MAGEC2: variants seen among roughly 807,000 people sequenced by gnomAD.
The protein encoded by MAGEC2 is MAGE family member C2.
For missense variants in MAGEC2, 332 were observed against 282.3 expected, an observed-to-expected ratio of 1.18 and a Z score of -1.26; for synonymous variants, 127 against 115.1, an observed-to-expected ratio of 1.10 and a Z score of -0.66.
At position 142,203,650 on chromosome X, in the gene MAGEC2, C is replaced by G; in HGVS notation, c.338G>C (p.Ser113Thr). 1.7e-6 allele frequency: 2 copies of G among 1,210,432 alleles called. No individual in the cohort carries two copies. The highest frequency in any genetic ancestry group is 2.2e-6 in the Non-Finnish European group (2 of 895,191). ...CCCTTTCTGGCTGCTGGACTCCTCA[C>G]TGAATGAGCTCCATGAAAAAGAGGA... ...CCSSFSWSSF[S>T]EESSSQKGED... Residue 113 changes from serine (S) to threonine (T), a missense_variant, in exon 3 of 3, where the codon AGT (serine) becomes ACT (threonine). Ser to Thr is a moderately conservative substitution (Grantham distance 58). Transcript: ENST00000247452.
At position 142,202,778 on chromosome X, in the gene MAGEC2, C is replaced by G; in HGVS notation, c.*88G>C. 1.1e-6 allele frequency: 1 copy of G among 922,350 alleles called. No individual in the cohort carries two copies. The allele number at this position is 922,350 out of a possible 1,213,427, so 76.0% of individuals were successfully genotyped here. ...ATATGGGACAGAAATGCAAAGAACA[C>G]TACGTTCCTCGAGCCCCACCTGGCC... On this transcript the variant is annotated 3_prime_UTR_variant, in exon 3 of 3. Transcript: ENST00000247452.
chrX:142,204,840 G>A (rs988881988), intron 1 of MAGEC2, among the ~76,000 whole-genome samples: 7 of 111,433 alleles, frequency 6.3e-5, no homozygotes, highest in Admixed American at 1.9e-4. Flanking sequence ...GCAGCTCCCC[G>A]TGCTGACTTG....
At position 142,203,615 on chromosome X, in the gene MAGEC2, C is replaced by T. The variant is rs1195025229; in HGVS notation, c.373G>A (p.Gly125Ser). 8.3e-7 allele frequency: 1 copy of T among 1,211,109 alleles called. No homozygotes were observed. The highest frequency in any genetic ancestry group is 1.1e-6 in the Non-Finnish European group (1 of 895,430). ...CTGTCTGGCAGGCCCTGACAGGTGCCTGTATCCTCCCCTTTCTGGCTGCTG... is the reference window on the plus strand; with the variant it reads ...CTGTCTGGCAGGCCCTGACAGGTGCTTGTATCCTCCCCTTTCTGGCTGCTG... ...ESSSQKGEDT[G>S]TCQGLPDSES... is the part of the protein sequence containing the mutation. Residue 125 changes from glycine to serine, a missense_variant, in exon 3 of 3, where the codon GGC becomes AGC. By Grantham distance (56) the Gly-to-Ser change is moderately conservative (BLOSUM62 0). Coordinates refer to ENST00000247452, the MANE Select transcript of MAGEC2 (RefSeq NM_016249.4).
Position 142,202,799 on chromosome X carries a change from T to C in MAGEC2, c.*67A>G. The C allele has an allele frequency of 9.2e-7, 1 of 1,083,354 alleles. No homozygotes were observed. Among genetic ancestry groups the C allele is most frequent in the Non-Finnish European group, 1.2e-6 (1 of 807,654 alleles). The allele number at this position is 1,083,354 out of a possible 1,213,427, so 89.3% of individuals were successfully genotyped here. On this transcript the variant is annotated 3_prime_UTR_variant, in exon 3 of 3. Coordinates refer to ENST00000247452, the MANE Select transcript of MAGEC2 (RefSeq NM_016249.4). Reference sequence around the variant, plus strand: ...AACACTACGTTCCTCGAGCCCCACCTGGCCCTCCACTACCTAGAACCTAAA... The same window carrying C: ...AACACTACGTTCCTCGAGCCCCACCCGGCCCTCCACTACCTAGAACCTAAA...
Position 142,203,056 on chromosome X carries a change from T to C in MAGEC2, c.932A>G (p.Lys311Arg). The change falls in exon 3 of 3, where the codon AAG becomes AGG. Residue 311 changes from lysine (K) to arginine (R), a missense_variant. Coordinates refer to ENST00000247452, the MANE Select transcript of MAGEC2 (RefSeq NM_016249.4). The part of the protein sequence containing the change: ...WGPRAHSESI[K>R]KKVLEFLAKL... ...GGCTAAAAACTCTAGTACTTTCTTC[T>C]TGATGCTTTCTGAATGGGCTCTCGG... 8.3e-7 allele frequency: 1 copy of C among 1,211,708 alleles called. No homozygotes were observed. The highest frequency in any genetic ancestry group is 1.1e-6 in the Non-Finnish European group (1 of 895,405).
rs778444555 is a variant in MAGEC2, at chrX:142,204,000, A to G, written c.-13T>C. The G allele has an allele frequency of 1.8e-5, 21 of 1,185,671 alleles. No individual in the cohort carries two copies. The South Asian group carries it at 3.8e-4, about 22-fold the overall frequency. The stretch of plus-strand genomic sequence containing the variant: ...GAACGGGAGGCATGACGACTTCTTC[A>G]GGAGCAGCAGGTAAACGTATCAACA... On this transcript the variant is annotated 5_prime_UTR_variant, in exon 3 of 3. Transcript: ENST00000247452.
intron 1 of MAGEC2, among the ~76,000 whole-genome samples, 170 bp downstream of exon 1, chrX:142,204,933 A>C (rs1004531938): frequency 1.2e-4 from 13 of 111,253 alleles, no homozygotes; most frequent in Admixed American, 3.8e-4. Context: ...GCCTGAGCTG[A>C]CTGGGGAGCT....
rs1351474118 is a variant in MAGEC2, at chrX:142,203,486, G to T, written c.502C>A (p.Leu168Met). The T allele has an allele frequency of 1.7e-6, 2 of 1,209,698 alleles. No individual in the cohort carries two copies. Among genetic ancestry groups the T allele is most frequent in the Admixed American group, 2.2e-5 (1 of 45,762 alleles). The change falls in exon 3 of 3, where the codon CTG (leucine) becomes ATG (methionine). Residue 168 changes from leucine (L) to methionine (M), a missense_variant. Coordinates refer to ENST00000247452, the MANE Select transcript of MAGEC2 (RefSeq NM_016249.4). ...AEEPVTEAEM[L>M]MIVIKYKDYF... The stretch of plus-strand genomic sequence containing the variant: ...TCTTTGTACTTGATGACAATCATCA[G>T]CATCTCTGCCTCTGTTACAGGCTCC...
Position 142,203,134 on chromosome X carries a change from T to C in MAGEC2, c.854A>G (p.Glu285Gly). The change falls in exon 3 of 3, where the codon GAG becomes GGG. Residue 285 changes from glutamate to glycine, a missense_variant. Transcript: ENST00000247452. Reference protein sequence around the residue: ...TKVWVQGHYLEYREVPHSSPP... With the variant: ...TKVWVQGHYLGYREVPHSSPP... The stretch of plus-strand genomic sequence containing the variant: ...AGAACTGTGGGGCACCTCCCGATAC[T>C]CCAGGTAATGTCCCTGCACCCAAAC... The C allele has an allele frequency of 3.3e-6, 4 of 1,211,497 alleles. No individual in the cohort carries two copies. The highest frequency in any genetic ancestry group is 4.5e-6 in the Non-Finnish European group (4 of 895,424).
In MAGEC2 at chrX:142,202,967, C is replaced by T; in HGVS notation, c.1021G>A (p.Glu341Lys). 1 of 1,211,823 alleles carries T rather than the reference C, an allele frequency of 8.3e-7. No homozygotes were observed. Among genetic ancestry groups the T allele is most frequent in the Non-Finnish European group, 1.1e-6 (1 of 895,494 alleles). Residue 341 changes from glutamate (E) to lysine (K), a missense_variant, in exon 3 of 3, where the codon GAA (glutamate) becomes AAA (lysine). By Grantham distance (56) the Glu-to-Lys change is moderately conservative (BLOSUM62 1). Transcript: ENST00000247452. ...TCAATTGTGGCCTGGACTCTCTCTT[C>T]CACATCTTTCAAAGCATCCTTGTAC... The part of the protein sequence containing the change: ...SWYKDALKDV[E>K]ERVQATIDTA...
rs964826245 is a variant in MAGEC2, at chrX:142,203,418, C to T, written c.570G>A (p.Glu190=). The change falls in exon 3 of 3, where the codon GAG becomes GAA. Residue 190 remains glutamate, a synonymous_variant. Coordinates refer to ENST00000247452, the MANE Select transcript of MAGEC2 (RefSeq NM_016249.4). The part of the protein sequence containing the change: ...VILKRAREFM[E]LLFGLALIEV... ...CTATCAGGGCAAGGCCAAAAAGAAG[C>T]TCCATGAACTCACGGGCTCTCTTGA... 8.3e-7 allele frequency: 1 copy of T among 1,209,712 alleles called. No homozygotes were observed. The highest frequency in any genetic ancestry group is 1.8e-5 in the African/African-American group (1 of 57,018).
At chrX:142,204,736 C>A (rs1029386367) in intron 1 of MAGEC2, among the ~76,000 whole-genome samples, 1 of 111,663 alleles carries the variant, frequency 9.0e-6, no homozygotes, top group African/African-American at 3.3e-5. Flanking sequence ...ACCATGGGGG[C>A]AGTCGGGGTA....
rs770018745 is a variant in MAGEC2, at chrX:142,203,946, G to C, written c.42C>G (p.Asn14Lys). ...VPGVPFRNVD[N>K]DSPTSVELED... The stretch of plus-strand genomic sequence containing the variant: ...CTAACTCAACTGAGGTCGGGGAGTC[G>C]TTGTCAACGTTGCGGAATGGAACGC... Residue 14 changes from asparagine to lysine, a missense_variant, in exon 3 of 3, where the codon AAC becomes AAG. Transcript: ENST00000247452. 2 of 1,175,944 alleles carry C rather than the reference G, an allele frequency of 1.7e-6. No homozygotes were observed. Among genetic ancestry groups the C allele is most frequent in the Admixed American group, 4.9e-5 (2 of 40,952 alleles).
chrX:142,203,216 C>A lies in MAGEC2; in HGVS notation c.772G>T (p.Val258Leu). Residue 258 changes from valine (V) to leucine (L), a missense_variant, in exon 3 of 3, where the codon GTA becomes TTA. By Grantham distance (32) the Val-to-Leu change is conservative. Transcript: ENST00000247452. The part of the protein sequence containing the change: ...VIWEVLNAVG[V>L]YAGREHFVYG... Reference sequence around the variant, plus strand: ...ACGAAGTGCTCCCTCCCAGCATATACCCCTACTGCATTCAGCACTTCCCAG... The same window carrying A: ...ACGAAGTGCTCCCTCCCAGCATATAACCCTACTGCATTCAGCACTTCCCAG... 1 of 1,211,540 alleles carries A rather than the reference C, an allele frequency of 8.3e-7. No homozygotes were observed. Among genetic ancestry groups the A allele is most frequent in the Non-Finnish European group, 1.1e-6 (1 of 895,432 alleles).
Position 142,203,860 on chromosome X carries a change from G to T in MAGEC2, c.128C>A (p.Ser43Tyr), listed in dbSNP as rs1931193830. ...GGAAAATACTAAGTACAAAGTGGAA[G>T]AGGCGGAGGAGGCTTCCTCCTCTTC... ...DEEEEEASSASSTLYLVFSPS... is the reference protein window; with the variant it reads ...DEEEEEASSAYSTLYLVFSPS... Residue 43 changes from serine to tyrosine, a missense_variant, in exon 3 of 3, where the codon TCT (serine) becomes TAT (tyrosine). Coordinates refer to ENST00000247452, the MANE Select transcript of MAGEC2 (RefSeq NM_016249.4). 1 of 1,196,321 alleles carries T rather than the reference G, an allele frequency of 8.4e-7. No individual in the cohort carries two copies. Among genetic ancestry groups the T allele is most frequent in the Non-Finnish European group, 1.1e-6 (1 of 889,629 alleles).
rs753358068 is a variant in MAGEC2 at position 142,203,979 on chromosome X, G to A, written c.9C>T (p.Pro3=). Residue 3 remains proline (P), a synonymous_variant, in exon 3 of 3, where the codon CCC becomes CCT. Transcript: ENST00000247452. ...CGTTGCGGAATGGAACGCCTGGAAC[G>A]GGAGGCATGACGACTTCTTCAGGAG... is the stretch of plus-strand genomic sequence containing the variant. MP[P]VPGVPFRNVD... The A allele has an allele frequency of 1.3e-5, 15 of 1,183,427 alleles. No homozygotes were observed. Among genetic ancestry groups the A allele is most frequent in the African/African-American group, 1.8e-5 (1 of 56,865 alleles).
At position 142,202,929 on chromosome X, in the gene MAGEC2, A is replaced by G. The variant is rs111640012; in HGVS notation, c.1059T>C (p.Asp353=). ...RVQATIDTAD[D]ATVMASESLS... ...GGCTTTCACTGGCCATGACAGTGGC[A>G]TCATCTGCGGTATCAATTGTGGCCT... Residue 353 remains aspartate, a synonymous_variant, in exon 3 of 3, where the codon GAT becomes GAC. Transcript: ENST00000247452. 3.6e-4 allele frequency: 438 copies of G among 1,209,987 alleles called. 3 individuals carry two copies. In the African/African-American group the frequency reaches 6.5e-3, roughly 18 times the overall value.
At position 142,203,433 on chromosome X, in the gene MAGEC2, G is replaced by A. The variant is rs770435894; in HGVS notation, c.555C>T (p.Ala185=). The A allele has an allele frequency of 1.1e-5, 13 of 1,209,435 alleles. No individual in the cohort carries two copies. The highest frequency in any genetic ancestry group is 1.2e-5 in the Non-Finnish European group (11 of 894,899). The part of the protein sequence containing the change: ...KDYFPVILKR[A]REFMELLFGL... The stretch of plus-strand genomic sequence containing the variant: ...CAAAAAGAAGCTCCATGAACTCACG[G>A]GCTCTCTTGAGTATCACAGGAAAGT... Residue 185 remains alanine, a synonymous_variant, in exon 3 of 3, where the codon GCC becomes GCT. Coordinates refer to ENST00000247452, the MANE Select transcript of MAGEC2 (RefSeq NM_016249.4).
rs769659463 is a variant in MAGEC2 at position 142,202,924 on chromosome X, G to C, written c.1064C>G (p.Thr355Ser). 1.7e-6 allele frequency: 2 copies of C among 1,211,579 alleles called. No individual in the cohort carries two copies. Among genetic ancestry groups the C allele is most frequent in the South Asian group, 1.8e-5 (1 of 56,979 alleles). ...QATIDTADDA[T>S]VMASESLSVM... ...ACTGAGGCTTTCACTGGCCATGACA[G>C]TGGCATCATCTGCGGTATCAATTGT... The change falls in exon 3 of 3, where the codon ACT becomes AGT. Residue 355 changes from threonine to serine, a missense_variant. Coordinates refer to ENST00000247452, the MANE Select transcript of MAGEC2 (RefSeq NM_016249.4).
Sources: allele counts gnomAD v4.1 joint callset (sites outside exome capture counted in the v4.1 genomes callset), GRCh38; gene constraint gnomAD v4.1.1; transcripts MANE v1.5; gene names NCBI Gene and HGNC (gene_info 2026-07-23, HGNC 2026-07-21).